FDFT1: variants seen among roughly 807,000 people sequenced by gnomAD.
The protein encoded by FDFT1 is squalene synthase.
In FDFT1, 68 loss-of-function variants were observed where a neutral mutation model predicts 46.8. The ratio of observed to expected loss-of-function variants is 1.45; its 90% CI spans 1.19 to 1.78. FDFT1 has a LOEUF of 1.78. Among genes scored for constraint, FDFT1 ranks in the 40% most tolerant of loss-of-function variants. The pLI, the probability that FDFT1 is intolerant of heterozygous loss-of-function variation, is 0.00. For synonymous variants in FDFT1, 351 were observed against 185.1 expected (o/e 1.90, Z -7.28); for missense variants, 928 against 524.4 (o/e 1.77, Z -7.52).
intron 1 of FDFT1, chr8:11,803,277 G>A: frequency 2.3e-6 from 3 of 1,331,312 alleles, no homozygotes; most frequent in Non-Finnish European, 3.0e-6. Context: ...GGGTTACGCG[G>A]GAGAGGACGA....
intron 4 of FDFT1, 51 bp downstream of exon 4, chr8:11,821,929 A>G (rs374015675): frequency 6.3e-7 from 1 of 1,590,018 alleles, no homozygotes; most frequent in African/African-American, 1.3e-5. Flanking sequence ...CAGAGCTGGC[A>G]GTCCTCATAG....
At chr8:11,832,576 A>AAAAAAAAAAAT (rs139242873) in intron 7 of FDFT1, among the ~76,000 whole-genome samples, 58 of 134,842 alleles carry the variant, frequency 4.3e-4, no homozygotes, top group Non-Finnish European at 7.5e-4. Context: ...AAAAAAAAAA[A>AAAAAAAAAAAT]GTCTTAGAGA....
chr8:11,820,702 C>T (rs1222719513), intron 3 of FDFT1, among the ~76,000 whole-genome samples: 1 of 152,238 alleles, frequency 6.6e-6, no homozygotes, highest in African/African-American at 2.4e-5. Context: ...ATCACCTGCT[C>T]TGCCAGTTGC....
intron 1 of FDFT1, 174 bp downstream of exon 1, chr8:11,803,105 C>CGT: frequency 7.0e-7 from 1 of 1,429,670 alleles, no homozygotes; most frequent in African/African-American, 1.4e-5. Flanking sequence ...CGGGTGGACG[C>CGT]GGCCGTCCTG....
In FDFT1 at chr8:11,809,812, A is replaced by G. The variant is rs1379124171; in HGVS notation, c.343A>G (p.Lys115Glu). ...ACCAGACTGGCGGTTCATGGAGAGCAAGGAGAAGGATCGCCAGGTGCTGGA... is the reference window on the plus strand; with the variant it reads ...ACCAGACTGGCGGTTCATGGAGAGCGAGGAGAAGGATCGCCAGGTGCTGGA... ...YQPDWRFMES[K>E]EKDRQVLEDF... The change falls in exon 3 of 8, where the codon AAG becomes GAG. Residue 115 changes from lysine (K) to glutamate (E), a missense_variant. By Grantham distance (56) the Lys-to-Glu change is moderately conservative. Coordinates refer to ENST00000220584, the MANE Select transcript of FDFT1 (RefSeq NM_004462.5). The G allele has an allele frequency of 1.2e-6, 2 of 1,613,976 alleles. No individual in the cohort carries two copies. The highest frequency in any genetic ancestry group is 1.7e-6 in the Non-Finnish European group (2 of 1,179,990).
intron 6 of FDFT1, among the ~76,000 whole-genome samples, chr8:11,830,814 C>T (rs185878909): frequency 6.6e-5 from 10 of 152,274 alleles, no homozygotes; most frequent in African/African-American, 1.9e-4. Context: ...CTAGACCCGG[C>T]ATAAAAAGAA....
chr8:11,825,960 C>A, intron 4 of FDFT1, 64 bp from the exon 5 acceptor site: 2 of 1,204,052 alleles, frequency 1.7e-6, no homozygotes, highest in Non-Finnish European at 1.1e-6. Context: ...AGCTAATGAT[C>A]TCTAGTGTGT....
At chr8:11,819,414 G>A (rs1191480926) in intron 3 of FDFT1, among the ~76,000 whole-genome samples, 2 of 152,174 alleles carry the variant, frequency 1.3e-5, no homozygotes, top group Non-Finnish European at 2.9e-5. Flanking sequence ...GGTTGGGGAA[G>A]TTCTCCTGGA....
In FDFT1 at chr8:11,838,481, C is replaced by G. The variant is rs1356813407; in HGVS notation, c.1126C>G (p.Leu376Val). 10 of 1,605,760 alleles carry G rather than the reference C, an allele frequency of 6.2e-6. No homozygotes were observed. The highest frequency in any genetic ancestry group is 1.7e-5 in the Admixed American group (1 of 59,182). Residue 376 changes from leucine to valine, a missense_variant, in exon 8 of 8, where the codon CTG becomes GTG. Leu to Val is a conservative substitution (Grantham distance 32, BLOSUM62 1). Transcript: ENST00000220584. ...IRTQNLPNCQ[L>V]ISRSHYSPIY... ...GACGCAGAATCTTCCCAACTGTCAG[C>G]TGATTTCCCGAAGCCACTACTCCCC...
At chr8:11,802,978 G>C in intron 1 of FDFT1, 47 bp downstream of exon 1, 1 of 1,558,130 alleles carries the variant, frequency 6.4e-7, no homozygotes, top group Non-Finnish European at 8.7e-7. Context: ...GGAGCTCGCT[G>C]GGCCGGCCTC....
At chr8:11,804,302 G>C (rs1256096379) in intron 1 of FDFT1, among the ~76,000 whole-genome samples, 1 of 152,220 alleles carries the variant, frequency 6.6e-6, no homozygotes, top group Admixed American at 6.5e-5. Flanking sequence ...TCTACAGAAA[G>C]ACTGTTAGAG....
chr8:11,837,301 G>C (rs1164110611), intron 7 of FDFT1, among the ~76,000 whole-genome samples: 1 of 152,202 alleles, frequency 6.6e-6, no homozygotes, highest in Non-Finnish European at 1.5e-5. Flanking sequence ...CATGATCTCG[G>C]ATCACTGCAA....
chr8:11,806,348 A>T (rs917099016), intron 1 of FDFT1, among the ~76,000 whole-genome samples: 3 of 151,896 alleles, frequency 2.0e-5, no homozygotes, highest in African/African-American at 7.3e-5. Context: ...ATTTTTAGTG[A>T]GTGTTGTTTT....
intron 3 of FDFT1, among the ~76,000 whole-genome samples, chr8:11,816,225 A>G (rs1364695544): frequency 6.6e-6 from 1 of 152,158 alleles, no homozygotes. Flanking sequence ...CCATTGGTGT[A>G]CATATCTGTT....
chr8:11,802,766 C>G lies in FDFT1; in HGVS notation c.-67C>G, dbSNP rs962858087. ...GAAGCACCTACTCCACAGGTCCAGC[C>G]GGCCGGTGAGCGCCTGGGGACCGCA... On this transcript the variant is annotated 5_prime_UTR_variant, in exon 1 of 8. Transcript: ENST00000220584. 6.9e-6 allele frequency: 9 copies of G among 1,295,670 alleles called. No individual in the cohort carries two copies. In the South Asian group the frequency reaches 1.0e-4, roughly 14 times the overall value. 80.3% of individuals were successfully genotyped at this position (1,295,670 alleles called of 1,614,324 possible).
chr8:11,808,817 A>C lies in FDFT1; in HGVS notation c.123A>C (p.Lys41Asn). The C allele has an allele frequency of 6.2e-7, 1 of 1,613,768 alleles. No individual in the cohort carries two copies. Among genetic ancestry groups the C allele is most frequent in the Non-Finnish European group, 8.5e-7 (1 of 1,179,942 alleles). ...MDQDSLSSSL[K>N]TCYKYLNQTS... Reference sequence around the variant, plus strand: ...AGGACTCGCTCAGCAGCAGCCTGAAAACTTGCTACAAGTATCTCAATCAGA... The same window carrying C: ...AGGACTCGCTCAGCAGCAGCCTGAACACTTGCTACAAGTATCTCAATCAGA... The change falls in exon 2 of 8, where the codon AAA becomes AAC. Residue 41 changes from lysine (K) to asparagine (N), a missense_variant. By Grantham distance (94) the Lys-to-Asn change is moderately conservative. Transcript: ENST00000220584.
Position 11,802,751 on chromosome 8 carries a change from C to A in FDFT1, c.-82C>A. On this transcript the variant is annotated 5_prime_UTR_variant, in exon 1 of 8. Transcript: ENST00000220584. ...TCCGGCCAGCCCCTCGAAGCACCTACTCCACAGGTCCAGCCGGCCGGTGAG... is the reference window on the plus strand; with the variant it reads ...TCCGGCCAGCCCCTCGAAGCACCTAATCCACAGGTCCAGCCGGCCGGTGAG... 1 of 1,102,198 alleles carries A rather than the reference C, an allele frequency of 9.1e-7. No homozygotes were observed. The highest frequency in any genetic ancestry group is 1.4e-6 in the Non-Finnish European group (1 of 739,130). The allele number at this position is 1,102,198 out of a possible 1,614,324, so 68.3% of individuals were successfully genotyped here.
chr8:11,816,060 G>T (rs1348334770), intron 3 of FDFT1, among the ~76,000 whole-genome samples: 4 of 152,192 alleles, frequency 2.6e-5, no homozygotes, highest in Non-Finnish European at 4.4e-5. Flanking sequence ...TGTAAGGAAG[G>T]GATCCAGTTT....
Position 11,821,861 on chromosome 8 carries a change from G to T in FDFT1, c.493G>T (p.Glu165Ter). 1 of 1,613,232 alleles carries T rather than the reference G, an allele frequency of 6.2e-7. No individual in the cohort carries two copies. Among genetic ancestry groups the T allele is most frequent in the South Asian group, 1.1e-5 (1 of 91,022 alleles). The change falls in exon 4 of 8, where the codon GAA becomes TAA. Residue 165 changes from glutamate (E) to a stop codon, truncating the protein, a stop_gained. Transcript: ENST00000220584. LOFTEE classifies it high-confidence loss of function. ...AEFLDKHVTS[E>*]QEWDKYCHYV... ...GTTTTTGGATAAGCATGTGACCTCT[G>T]AACAGGAGTGGGACAAGGTTAGTCT... is the stretch of plus-strand genomic sequence containing the variant.
Sources: allele counts gnomAD v4.1 joint callset (sites outside exome capture counted in the v4.1 genomes callset), GRCh38; gene constraint gnomAD v4.1.1; transcripts MANE v1.5; gene names NCBI Gene and HGNC (gene_info 2026-07-23, HGNC 2026-07-21).